The following TMEM19 variants were observed in gnomAD, a reference collection of about 807,000 sequenced individuals.
TMEM19 encodes the protein transmembrane protein 19.
TMEM19 carries 21 observed loss-of-function variants against 33.6 expected under a neutral mutation model. That is an observed-to-expected ratio of 0.62 (90% CI 0.44 to 0.90). The LOEUF is 0.90. Ranked by LOEUF, TMEM19 falls within the 40% of genes least tolerant of loss-of-function variation. TMEM19 has a pLI of 0.00. For missense variants in TMEM19, 402 were observed against 401.8 expected (o/e 1.00, Z 0.00); for synonymous variants, 149 against 147.5 (o/e 1.01, Z -0.07).
At chr12:71,695,956 G>T (rs1881863344) in intron 2 of TMEM19, among the ~76,000 whole-genome samples, 2 of 152,144 alleles carry the variant, frequency 1.3e-5, no homozygotes. Flanking sequence ...CTCTGGAAGG[G>T]TCAATGAGTA....
At chr12:71,688,338 T>C (rs181491666) in intron 1 of TMEM19, among the ~76,000 whole-genome samples, 1 of 152,274 alleles carries the variant, frequency 6.6e-6, no homozygotes, top group African/African-American at 2.4e-5. Context: ...TTCTGGTTTC[T>C]CCTGCCTCAG....
At position 71,698,738 on chromosome 12, in the gene TMEM19, C is replaced by T. The variant is rs113317309; in HGVS notation, c.638-162C>T. ...TCATTGCTTAAAATGTCAAGAGTTA[C>T]CGAGGAGAAAATACTGTTTTCTAAA... On this transcript the variant is annotated intron_variant, in intron 4 of 5. Transcript: ENST00000266673. Among the ~76,000 whole-genome samples, 609 of 151,718 alleles carry T rather than the reference C, an allele frequency of 4.0e-3. 5 individuals carry two copies. The highest frequency in any genetic ancestry group is 0.014 in the African/African-American group (568 of 41,380).
At position 71,704,358 on chromosome 12, in the gene TMEM19, T is replaced by C. The variant is rs1882036609; in HGVS notation, c.*3363T>C. On this transcript the variant is annotated 3_prime_UTR_variant, in exon 6 of 6. Coordinates refer to ENST00000266673, the MANE Select transcript of TMEM19 (RefSeq NM_018279.4). ...AAAGGACTAGTATAGAGAAAAAGCA[T>C]GTGAAATGATGTTTTAAACTTTGCC... is the stretch of plus-strand genomic sequence containing the variant. The C allele has an allele frequency of 6.4e-6, 1 of 155,064 alleles. No homozygotes were observed. The highest frequency in any genetic ancestry group is 1.4e-5 in the Non-Finnish European group (1 of 69,776). 9.6% of individuals were successfully genotyped at this position (155,064 alleles called of 1,614,324 possible).
At chr12:71,695,204 G>A (rs1488990012) in intron 2 of TMEM19, among the ~76,000 whole-genome samples, 1 of 152,200 alleles carries the variant, frequency 6.6e-6, no homozygotes, top group Admixed American at 6.5e-5. Context: ...CTGCATGAAA[G>A]AAACCATTCC....
At chr12:71,691,836 G>T (rs1175171491) in intron 2 of TMEM19, among the ~76,000 whole-genome samples, 2 of 151,524 alleles carry the variant, frequency 1.3e-5, no homozygotes, top group African/African-American at 4.8e-5. Context: ...TGTCTTCCTT[G>T]GGCTTCTGTG....
chr12:71,689,229 G>A (rs1173609366), intron 1 of TMEM19, among the ~76,000 whole-genome samples: 1 of 152,082 alleles, frequency 6.6e-6, no homozygotes, highest in Non-Finnish European at 1.5e-5. Context: ...CTTTTTCTAT[G>A]TTTAGATACA....
Position 71,704,502 on chromosome 12 carries a change from T to G in TMEM19, c.*3507T>G, listed in dbSNP as rs1218246315. On this transcript the variant is annotated 3_prime_UTR_variant, in exon 6 of 6. Transcript: ENST00000266673. ...CCCAGTGCTATCACAATGAGAATGA[T>G]CTATACTAGCCACCAGATCTCAGGT... 1 of 152,472 alleles carries G rather than the reference T, an allele frequency of 6.6e-6. No individual in the cohort carries two copies. The highest frequency in any genetic ancestry group is 2.4e-5 in the African/African-American group (1 of 41,454). 9.4% of individuals were successfully genotyped at this position (152,472 alleles called of 1,614,324 possible).
intron 2 of TMEM19, among the ~76,000 whole-genome samples, chr12:71,692,753 T>C (rs888668054): frequency 2.6e-5 from 4 of 152,202 alleles, no homozygotes; most frequent in African/African-American, 9.6e-5. Context: ...AAAGAGTATC[T>C]TATGCTTCTG....
At chr12:71,698,137 C>T (rs1881907519) in intron 4 of TMEM19, among the ~76,000 whole-genome samples, 1 of 152,144 alleles carries the variant, frequency 6.6e-6, no homozygotes, top group South Asian at 2.1e-4. Flanking sequence ...AAAGAGAATA[C>T]TCAACCTATA....
chr12:71,697,419 GTC>G lies in TMEM19; in HGVS notation c.528_529del (p.Leu177GlyfsTer21). 6.2e-7 allele frequency: 1 copy of G among 1,610,926 alleles called. No individual in the cohort carries two copies. Among genetic ancestry groups the G allele is most frequent in the Non-Finnish European group, 8.5e-7 (1 of 1,178,898 alleles). On this transcript the variant is annotated frameshift_variant, in exon 4 of 6. Coordinates refer to ENST00000266673, the MANE Select transcript of TMEM19 (RefSeq NM_018279.4). LOFTEE classifies it high-confidence loss of function. ...KQYSASWMCL[S>X]LLAALACSAG... ...AGTACTCCGCTTCCTGGATGTGTTT[GTC>G]TCTCTTGGCTGCACTGGCCTGCTCT...
intron 4 of TMEM19, 48 bp from the exon 5 acceptor site, chr12:71,698,852 T>G (rs1157127097): frequency 6.4e-7 from 1 of 1,568,062 alleles, no homozygotes; most frequent in Admixed American, 1.7e-5. Flanking sequence ...TGCCTTTATG[T>G]GTTTGCTGAT....
At chr12:71,700,472 G>T (rs1447931369) in intron 5 of TMEM19, among the ~76,000 whole-genome samples, 5 of 152,156 alleles carry the variant, frequency 3.3e-5, no homozygotes, top group Non-Finnish European at 7.4e-5. Context: ...TGGGAAGGCA[G>T]GCCCAACCTG....
chr12:71,702,640 T>C lies in TMEM19; in HGVS notation c.*1645T>C, dbSNP rs182199762. ...CCAGGGCATGTTTTTAAAAAAGTAC[T>C]GATGTCTGGGTTTCACACTGCAAAA... On this transcript the variant is annotated 3_prime_UTR_variant, in exon 6 of 6. Transcript: ENST00000266673. 6.6e-6 allele frequency: 1 copy of C among 152,346 alleles called. No individual in the cohort carries two copies. Among genetic ancestry groups the C allele is most frequent in the Non-Finnish European group, 1.5e-5 (1 of 68,050 alleles). The allele number at this position is 152,346 out of a possible 1,614,324, so 9.4% of individuals were successfully genotyped here.
intron 1 of TMEM19, 113 bp from the exon 2 acceptor site, chr12:71,689,478 G>C (rs1055882032): frequency 5.2e-6 from 4 of 771,454 alleles, no homozygotes; most frequent in Non-Finnish European, 9.3e-6. Context: ...ACTTCATCTT[G>C]GTGTTTGTAC....
intron 5 of TMEM19, among the ~76,000 whole-genome samples, chr12:71,700,024 T>C (rs181721051): frequency 6.6e-6 from 1 of 152,266 alleles, no homozygotes; most frequent in Non-Finnish European, 1.5e-5. Flanking sequence ...CAGGAAGAGG[T>C]TGGAAGGCTA....
chr12:71,693,331 C>G (rs1018154697), intron 2 of TMEM19, among the ~76,000 whole-genome samples: 1 of 152,020 alleles, frequency 6.6e-6, no homozygotes, highest in African/African-American at 2.4e-5. Context: ...TGGGTAGTAG[C>G]GACTACAGGC....
rs1881989626 is a variant in TMEM19 at position 71,702,176 on chromosome 12, G to T, written c.*1181G>T. 1 of 152,108 alleles carries T rather than the reference G, an allele frequency of 6.6e-6. No individual in the cohort carries two copies. The highest frequency in any genetic ancestry group is 2.4e-5 in the African/African-American group (1 of 41,412). The allele number at this position is 152,108 out of a possible 1,614,324, so 9.4% of individuals were successfully genotyped here. A position where few individuals can be genotyped will look rare whatever the true frequency, so the allele number is the denominator to read the frequency against. On this transcript the variant is annotated 3_prime_UTR_variant, in exon 6 of 6. Coordinates refer to ENST00000266673, the MANE Select transcript of TMEM19 (RefSeq NM_018279.4). Reference sequence around the variant, plus strand: ...ATTCTTTATTGGTGGCCCTACTATGGTGATGATCTAGAACTGACTTACTTC... The same window carrying T: ...ATTCTTTATTGGTGGCCCTACTATGTTGATGATCTAGAACTGACTTACTTC...
At position 71,700,964 on chromosome 12, in the gene TMEM19, C is replaced by T; in HGVS notation, c.980C>T (p.Thr327Ile). Residue 327 changes from threonine to isoleucine, a missense_variant, in exon 6 of 6, where the codon ACT (threonine) becomes ATT (isoleucine). Thr to Ile is a moderately conservative substitution (Grantham distance 89, BLOSUM62 -1). Transcript: ENST00000266673. ...GTTCTTATTGCCCTCTTGCTCCCAA[C>T]TGCTGCTTGGGGTTTTTGGCCCAGG... is the stretch of plus-strand genomic sequence containing the variant. ...SSVLIALLLP[T>I]AAWGFWPRG 6.2e-7 allele frequency: 1 copy of T among 1,612,678 alleles called. No individual in the cohort carries two copies. Among genetic ancestry groups the T allele is most frequent in the East Asian group, 2.2e-5 (1 of 44,772 alleles).
intron 2 of TMEM19, among the ~76,000 whole-genome samples, chr12:71,693,037 A>G (rs1350215507): frequency 6.6e-6 from 1 of 151,946 alleles, no homozygotes; most frequent in Admixed American, 6.5e-5. Flanking sequence ...TCTACTAAAA[A>G]TACAAATATT....
Sources: gnomAD v4.1 joint callset for allele counts (sites outside exome capture counted in the v4.1 genomes callset) on GRCh38, gnomAD v4.1.1 for gene constraint, MANE v1.5 for transcripts, NCBI Gene and HGNC (gene_info 2026-07-23, HGNC 2026-07-21) for gene names.